The following ANO4 variants were observed in gnomAD, a reference collection of about 807,000 sequenced individuals.
ANO4 encodes the protein anoctamin 4, also known as anoctamin-4.
A neutral mutation model predicts 141.9 loss-of-function variants in ANO4; 69 were observed. The observed-to-expected ratio is 0.49, with a 90% CI of 0.40 to 0.59. The LOEUF is 0.59. Among genes scored for constraint, ANO4 ranks in the 20% least tolerant of loss-of-function variants. The probability of loss-of-function intolerance (pLI) is 0.00; values close to 1 mark genes in which losing one functional copy is unlikely to be tolerated. For missense variants in ANO4, 894 were observed against 1,162.2 expected, an observed-to-expected ratio of 0.77 and a Z score of 3.36; for synonymous variants, 350 against 394.3, an observed-to-expected ratio of 0.89 and a Z score of 1.33.
intron 1 of ANO4, among the ~76,000 whole-genome samples, chr12:100,805,699 G>A (rs899673944): frequency 1.3e-5 from 2 of 151,902 alleles, no homozygotes; most frequent in Non-Finnish European, 2.9e-5. Context: ...CTATTCCTAG[G>A]TATTTTATTC....
intron 2 of ANO4, among the ~76,000 whole-genome samples, chr12:100,919,437 T>C (rs2136094096): frequency 6.6e-6 from 1 of 152,276 alleles, no homozygotes; most frequent in Admixed American, 6.5e-5. Flanking sequence ...GTTTAGGTAT[T>C]CAAATACCAT....
intron 5 of ANO4, among the ~76,000 whole-genome samples, chr12:100,968,409 G>C (rs1290243341): frequency 6.6e-6 from 1 of 152,096 alleles, no homozygotes; most frequent in Non-Finnish European, 1.5e-5. Context: ...TATGGAGAGA[G>C]TATACTCTAA....
At chr12:100,957,284 G>A (rs1315804768) in intron 5 of ANO4, among the ~76,000 whole-genome samples, 1 of 152,168 alleles carries the variant, frequency 6.6e-6, no homozygotes, top group African/African-American at 2.4e-5. Context: ...GAGGTGTCCT[G>A]GCTTCATAAC....
intron 22 of ANO4, among the ~76,000 whole-genome samples, chr12:101,102,142 G>T (rs188308322): frequency 1.1e-3 from 166 of 152,214 alleles, no homozygotes; most frequent in African/African-American, 3.7e-3. Flanking sequence ...AGACACTTGT[G>T]TTGTTTCCAA....
intron 1 of ANO4, among the ~76,000 whole-genome samples, chr12:100,876,433 A>C (rs1396277773): frequency 6.6e-6 from 1 of 152,210 alleles, no homozygotes; most frequent in Non-Finnish European, 1.5e-5. Context: ...TTCCCCCTGC[A>C]GGGAGCAGGG....
At chr12:100,851,040 T>G (rs910397880) in intron 1 of ANO4, among the ~76,000 whole-genome samples, 2 of 152,184 alleles carry the variant, frequency 1.3e-5, no homozygotes, top group African/African-American at 2.4e-5. Flanking sequence ...ATAACTTTTC[T>G]GTGAATGTTA....
upstream of ANO4, among the ~76,000 whole-genome samples, chr12:100,791,577 A>C (rs2034048525): frequency 6.6e-6 from 1 of 152,254 alleles, no homozygotes; most frequent in Non-Finnish European, 1.5e-5. Flanking sequence ...TTTCGGCTTC[A>C]ACTTGGACTT....
intron 5 of ANO4, among the ~76,000 whole-genome samples, chr12:100,970,974 C>T (rs1345547919): frequency 6.6e-6 from 1 of 152,180 alleles, no homozygotes; most frequent in Non-Finnish European, 1.5e-5. Context: ...CTCAGCCTCC[C>T]AAACTGCTGG....
At chr12:100,808,911 A>AT (rs1242287781) in intron 1 of ANO4, among the ~76,000 whole-genome samples, 4 of 152,242 alleles carry the variant, frequency 2.6e-5, no homozygotes, top group South Asian at 2.1e-4. Context: ...AATTGCTGAG[A>AT]TTCTTTTGCA....
intron 1 of ANO4, among the ~76,000 whole-genome samples, chr12:100,887,105 G>C (rs2039872351): frequency 6.6e-6 from 1 of 152,184 alleles, no homozygotes; most frequent in Non-Finnish European, 1.5e-5. Flanking sequence ...ATAAAGCAGT[G>C]TTCCCTTTAG....
intron 3 of ANO4, among the ~76,000 whole-genome samples, chr12:100,769,191 A>G (rs2033202101): frequency 6.6e-6 from 1 of 152,202 alleles, no homozygotes; most frequent in African/African-American, 2.4e-5. Flanking sequence ...TTAATTACAA[A>G]ATTATTCATC....
chr12:100,879,921 G>C (rs1457305894), intron 1 of ANO4, among the ~76,000 whole-genome samples: 2 of 152,200 alleles, frequency 1.3e-5, no homozygotes, highest in African/African-American at 4.8e-5. Flanking sequence ...AACCTCATCT[G>C]CTCGGGAGTT....
chr12:100,980,711 T>C (rs1234000843), intron 7 of ANO4, among the ~76,000 whole-genome samples: 1 of 152,226 alleles, frequency 6.6e-6, no homozygotes, highest in Non-Finnish European at 1.5e-5. Context: ...TTTTAAAAAA[T>C]CACTTGACTC....
chr12:100,803,897 T>G (rs957405568), intron 1 of ANO4, among the ~76,000 whole-genome samples: 3 of 152,168 alleles, frequency 2.0e-5, no homozygotes, highest in Admixed American at 2.0e-4. Flanking sequence ...GTTAGTGGTT[T>G]AGAGAAGTTC....
At chr12:100,829,850 C>T (rs550052898) in intron 1 of ANO4, among the ~76,000 whole-genome samples, 3 of 152,080 alleles carry the variant, frequency 2.0e-5, no homozygotes, top group East Asian at 1.9e-4. Context: ...CTTTCAGTGA[C>T]GTTAATATCA....
At chr12:101,069,293 A>T in intron 14 of ANO4, 1 of 800,494 alleles carries the variant, frequency 1.2e-6, no homozygotes, top group Non-Finnish European at 2.2e-6. Flanking sequence ...CATCACTTGC[A>T]CTTAAATCAT....
Position 101,115,880 on chromosome 12 carries a change from G to A in ANO4, c.2451-799G>A, listed in dbSNP as rs1205643403. Among the ~76,000 whole-genome samples the A allele has an allele frequency of 2.0e-5, 3 of 152,090 alleles. No homozygotes were observed. The East Asian group carries it at 5.8e-4, about 29-fold the overall frequency. ...TCAATATTTATGGGATTCCTACACTGCACAAGACTGTCCTAAGTCATAGGA... is the reference window on the plus strand; with the variant it reads ...TCAATATTTATGGGATTCCTACACTACACAAGACTGTCCTAAGTCATAGGA... On this transcript the variant is annotated intron_variant, in intron 24 of 27. Transcript: ENST00000392977.
intron 14 of ANO4, among the ~76,000 whole-genome samples, chr12:101,076,278 A>T (rs965450882): frequency 1.6e-4 from 25 of 152,158 alleles, no homozygotes; most frequent in African/African-American, 6.0e-4. Context: ...CCAGAGAGCT[A>T]ACTACCTCTC....
chr12:100,964,886 A>G (rs1304146363), intron 5 of ANO4, among the ~76,000 whole-genome samples: 2 of 152,186 alleles, frequency 1.3e-5, no homozygotes, highest in Non-Finnish European at 2.9e-5. Context: ...TTCAAAGCAC[A>G]TCATCAGAAG....
Sources: gnomAD v4.1 joint callset for allele counts (sites outside exome capture counted in the v4.1 genomes callset) on GRCh38, gnomAD v4.1.1 for gene constraint, MANE v1.5 for transcripts, NCBI Gene and HGNC (gene_info 2026-07-23, HGNC 2026-07-21) for gene names.